The following HS6ST3 variants were observed in gnomAD, a reference collection of about 807,000 sequenced individuals.
HS6ST3 encodes heparan-sulfate 6-O-sulfotransferase 3.
A neutral mutation model predicts 36.7 loss-of-function variants in HS6ST3; 12 were observed. The ratio of observed to expected loss-of-function variants is 0.33; its 90% CI spans 0.21 to 0.53. The LOEUF is 0.53. HS6ST3 is among the 20% of genes least tolerant of loss of function. The probability of loss-of-function intolerance (pLI) is 0.95; values close to 1 mark genes in which losing one functional copy is unlikely to be tolerated. For missense variants in HS6ST3, 584 were observed against 640.9 expected (o/e 0.91, Z 0.96); for synonymous variants, 240 against 257.5 (o/e 0.93, Z 0.65).
chr13:96,236,520 A>T (rs1337513351), intron 1 of HS6ST3, among the ~76,000 whole-genome samples: 1 of 151,720 alleles, frequency 6.6e-6, no homozygotes, highest in Non-Finnish European at 1.5e-5. Context: ...TAGACTCCAT[A>T]GTTATCCCCC....
intron 1 of HS6ST3, among the ~76,000 whole-genome samples, chr13:96,397,366 T>G (rs1316458946): frequency 6.6e-6 from 1 of 152,320 alleles, no homozygotes; most frequent in African/African-American, 2.4e-5. Flanking sequence ...TCTGAAGATA[T>G]GTTTTTCCCT....
intron 1 of HS6ST3, among the ~76,000 whole-genome samples, chr13:96,617,972 C>A (rs1293006272): frequency 6.6e-6 from 1 of 152,234 alleles, no homozygotes; most frequent in African/African-American, 2.4e-5. Context: ...CAACTCAAAT[C>A]TCAATTAACT....
chr13:96,275,162 A>T (rs1700228544), intron 1 of HS6ST3, among the ~76,000 whole-genome samples: 1 of 152,206 alleles, frequency 6.6e-6, no homozygotes, highest in Non-Finnish European at 1.5e-5. Context: ...TTAGTTAGCC[A>T]TTAAACAGCC....
chr13:96,731,592 C>T (rs1876155272), intron 1 of HS6ST3, among the ~76,000 whole-genome samples: 2 of 152,016 alleles, frequency 1.3e-5, no homozygotes, highest in South Asian at 4.1e-4. Context: ...ATTTCATTTC[C>T]TTTGTAAATA....
chr13:96,484,522 G>A (rs148102726), intron 1 of HS6ST3, among the ~76,000 whole-genome samples: 10 of 152,016 alleles, frequency 6.6e-5, no homozygotes, highest in Admixed American at 4.6e-4. Context: ...TCCTTCCCCC[G>A]CCACCAACTA....
At chr13:96,241,742 G>T (rs1163348747) in intron 1 of HS6ST3, among the ~76,000 whole-genome samples, 3 of 149,968 alleles carry the variant, frequency 2.0e-5, no homozygotes, top group African/African-American at 7.3e-5. Flanking sequence ...AGAATTATGA[G>T]CTCAAAGATG....
At chr13:96,672,445 C>T (rs760890868) in intron 1 of HS6ST3, among the ~76,000 whole-genome samples, 5 of 152,144 alleles carry the variant, frequency 3.3e-5, no homozygotes, top group East Asian at 1.9e-4. Flanking sequence ...CAAGAGCCTG[C>T]GTGTTTCCTT....
At chr13:96,787,214 A>T (rs369935318) in intron 1 of HS6ST3, among the ~76,000 whole-genome samples, 1 of 152,146 alleles carries the variant, frequency 6.6e-6, no homozygotes, top group African/African-American at 2.4e-5. Flanking sequence ...TGTGAACATA[A>T]GTTTTCATTT....
rs562047347 is a variant in HS6ST3, at chr13:96,268,462, C to A, written c.707+176893C>A. On this transcript the variant is annotated intron_variant, in intron 1 of 1. Coordinates refer to ENST00000376705, the MANE Select transcript of HS6ST3 (RefSeq NM_153456.4). ...ATGAGAGCAGCATGGAGGTAATCAA[C>A]CCCCATCAATTACCTCCAACTGGGT... 2.0e-5 allele frequency among the ~76,000 whole-genome samples: 3 copies of A among 152,014 alleles called. No individual in the cohort carries two copies. In the East Asian group the frequency reaches 5.8e-4, roughly 29 times the overall value.
At chr13:96,539,779 C>T (rs369447233) in intron 1 of HS6ST3, among the ~76,000 whole-genome samples, 61 of 152,318 alleles carry the variant, frequency 4.0e-4, no homozygotes, top group African/African-American at 1.4e-3. Context: ...TTAGTTCCCC[C>T]AGTGAACCAC....
intron 1 of HS6ST3, among the ~76,000 whole-genome samples, chr13:96,715,355 A>G (rs761731802): frequency 6.6e-6 from 1 of 152,114 alleles, no homozygotes; most frequent in Non-Finnish European, 1.5e-5. Context: ...AGAGAAGTAC[A>G]TTTGGTTCTT....
At chr13:96,127,114 T>C (rs139128114) in intron 1 of HS6ST3, among the ~76,000 whole-genome samples, 148 of 152,318 alleles carry the variant, frequency 9.7e-4, no homozygotes, top group African/African-American at 3.5e-3. Flanking sequence ...CCCACAAAAT[T>C]CATCTGTTGA....
At chr13:96,443,549 A>G (rs1313663117) in intron 1 of HS6ST3, among the ~76,000 whole-genome samples, 1 of 151,286 alleles carries the variant, frequency 6.6e-6, no homozygotes, top group Non-Finnish European at 1.5e-5. Flanking sequence ...AAAAAAAAAA[A>G]GCAGACTAAA....
intron 1 of HS6ST3, among the ~76,000 whole-genome samples, chr13:96,304,046 G>A (rs2054896603): frequency 6.6e-6 from 1 of 151,910 alleles, no homozygotes; most frequent in Non-Finnish European, 1.5e-5. Flanking sequence ...GGGAGGCTGA[G>A]GCAGGAGAAT....
intron 1 of HS6ST3, among the ~76,000 whole-genome samples, chr13:96,796,124 A>G (rs552588934): frequency 6.6e-6 from 1 of 152,246 alleles, no homozygotes; most frequent in South Asian, 2.1e-4. Flanking sequence ...TTTAAGCAGT[A>G]TCTAATTTAT....
chr13:96,480,722 G>A (rs752985079), intron 1 of HS6ST3, among the ~76,000 whole-genome samples: 8 of 152,052 alleles, frequency 5.3e-5, no homozygotes, highest in South Asian at 2.1e-4. Context: ...ACCTTCTGCC[G>A]TCTTAGTGTT....
At chr13:96,675,348 GTA>G (rs1181034423) in intron 1 of HS6ST3, among the ~76,000 whole-genome samples, 2 of 151,828 alleles carry the variant, frequency 1.3e-5, no homozygotes, top group Non-Finnish European at 2.9e-5. Flanking sequence ...ATGTATGCAT[GTA>G]TATATGTTAC....
At chr13:96,595,485 T>C (rs933653431) in intron 1 of HS6ST3, among the ~76,000 whole-genome samples, 1 of 152,084 alleles carries the variant, frequency 6.6e-6, no homozygotes, top group African/African-American at 2.4e-5. Context: ...TCTTTGTTTT[T>C]TATTTTGACA....
intron 1 of HS6ST3, among the ~76,000 whole-genome samples, chr13:96,163,140 G>T (rs1222580698): frequency 6.6e-6 from 1 of 151,114 alleles, no homozygotes; most frequent in Non-Finnish European, 1.5e-5. Flanking sequence ...GTAACATGCT[G>T]CTTTTATGAG....
Sources: allele counts gnomAD v4.1 joint callset (sites outside exome capture counted in the v4.1 genomes callset), GRCh38; gene constraint gnomAD v4.1.1; transcripts MANE v1.5; gene names NCBI Gene and HGNC (gene_info 2026-07-23, HGNC 2026-07-21).